The following ATPAF1 variants were observed in gnomAD, a reference collection of about 807,000 sequenced individuals.
ATPAF1 encodes the protein ATP synthase mitochondrial F1 complex assembly factor 1.
A neutral mutation model predicts 43.9 loss-of-function variants in ATPAF1; 26 were observed. That is an observed-to-expected ratio of 0.59 (90% CI 0.43 to 0.82). The LOEUF (loss-of-function observed/expected upper bound fraction) is 0.82, where lower values mean the gene tolerates loss of function less well. ATPAF1 is among the 40% of genes least tolerant of loss of function. The pLI is 0.00. For synonymous variants in ATPAF1, 157 were observed against 168.0 expected, an observed-to-expected ratio of 0.93 and a Z score of 0.50; for missense variants, 366 against 435.0, an observed-to-expected ratio of 0.84 and a Z score of 1.41.
intron 6 of ATPAF1, among the ~76,000 whole-genome samples, chr1:46,649,899 C>T (rs1676131873): frequency 6.6e-6 from 1 of 152,098 alleles, no homozygotes; most frequent in South Asian, 2.1e-4. Flanking sequence ...GCACTCCAGC[C>T]TGGGCAACAC....
chr1:46,647,520 ACACATG>A (rs1403449347), intron 6 of ATPAF1, among the ~76,000 whole-genome samples: 1 of 152,032 alleles, frequency 6.6e-6, no homozygotes, highest in Non-Finnish European at 1.5e-5. Flanking sequence ...ACACACACAC[ACACATG>A]CACATTCTCT....
At chr1:46,665,462 C>T in intron 1 of ATPAF1, 98 bp from the exon 2 acceptor site, 1 of 1,355,652 alleles carries the variant, frequency 7.4e-7, no homozygotes, top group South Asian at 1.3e-5. Context: ...AGGACACTGC[C>T]ATTCAGAGAG....
At chr1:46,654,528 T>TTTATTTATTATTA (rs1553218331) in intron 4 of ATPAF1, among the ~76,000 whole-genome samples, 7 of 135,262 alleles carry the variant, frequency 5.2e-5, no homozygotes, top group African/African-American at 2.1e-4. Flanking sequence ...TATTTATTTA[T>TTTATTTATTATTA]TTATTATTAT....
At chr1:46,657,484 A>C (rs908231542) in intron 4 of ATPAF1, among the ~76,000 whole-genome samples, 2 of 152,188 alleles carry the variant, frequency 1.3e-5, no homozygotes, top group Non-Finnish European at 2.9e-5. Context: ...CCAGGTTCCT[A>C]ATACATTTTT....
Position 46,668,230 on chromosome 1 carries a change from G to T in ATPAF1, c.93C>A (p.Ser31Arg). Residue 31 changes from serine to arginine, a missense_variant, in exon 1 of 9, where the codon AGC (serine) becomes AGA (arginine). By Grantham distance (110) the Ser-to-Arg change is moderately radical (BLOSUM62 -1). Coordinates refer to ENST00000574428, the Ensembl canonical transcript of ATPAF1. This position sits in a 1 kb window ranked among gnomAD's most constrained non-coding sequence, Gnocchi z 4.4. ...ACACGAGCCCCAGGCCCAGGGCGCGGCTGCGCACCGCGCACAGGCCCCGGT... is the reference window on the plus strand; with the variant it reads ...ACACGAGCCCCAGGCCCAGGGCGCGTCTGCGCACCGCGCACAGGCCCCGGT... 1 of 1,370,534 alleles carries T rather than the reference G, an allele frequency of 7.3e-7. No individual in the cohort carries two copies. 84.9% of individuals were successfully genotyped at this position (1,370,534 alleles called of 1,614,324 possible).
At chr1:46,663,168 G>A (rs1465857860) in intron 2 of ATPAF1, among the ~76,000 whole-genome samples, 1 of 152,024 alleles carries the variant, frequency 6.6e-6, no homozygotes, top group African/African-American at 2.4e-5. Flanking sequence ...ACATTTTCTT[G>A]ATTCAGTCTA....
At chr1:46,663,037 G>A (rs1370775504) in intron 2 of ATPAF1, among the ~76,000 whole-genome samples, 2 of 152,206 alleles carry the variant, frequency 1.3e-5, no homozygotes, top group South Asian at 2.1e-4. Context: ...GCAGTGTTTG[G>A]TTTTTTGTCC....
At chr1:46,668,381 G>GCCCGCTCCAT (rs1287382762), upstream of ATPAF1, 3 of 1,246,442 alleles carry the variant, frequency 2.4e-6, no homozygotes, top group Non-Finnish European at 3.0e-6. This position sits in a 1 kb window ranked among gnomAD's most constrained non-coding sequence, Gnocchi z 4.4. Context: ...CGGCCCGCGC[G>GCCCGCTCCAT]CCCGCTCCAT....
intron 8 of ATPAF1, among the ~76,000 whole-genome samples, chr1:46,639,559 A>G (rs913483234): frequency 6.6e-6 from 1 of 152,220 alleles, no homozygotes; most frequent in Non-Finnish European, 1.5e-5. Flanking sequence ...ATTAGTTTTT[A>G]GCATTAAAGT....
chr1:46,667,906 G>T, intron 1 of ATPAF1, 151 bp downstream of exon 1: 1 of 558,384 alleles, frequency 1.8e-6, no homozygotes. Flanking sequence ...GTGATCTTGG[G>T]CAAGTGACCT....
At chr1:46,645,549 G>A (rs1362475514) in intron 6 of ATPAF1, among the ~76,000 whole-genome samples, 1 of 150,740 alleles carries the variant, frequency 6.6e-6, no homozygotes, top group Non-Finnish European at 1.5e-5. Flanking sequence ...TTTTGGTAGA[G>A]ATGGGGTTTT....
intron 2 of ATPAF1, 53 bp from the exon 3 acceptor site, chr1:46,658,790 G>A: frequency 7.3e-7 from 1 of 1,362,048 alleles, no homozygotes; most frequent in African/African-American, 1.5e-5. Context: ...AAGAAAAAAG[G>A]TAACTAAGCT....
intron 2 of ATPAF1, among the ~76,000 whole-genome samples, chr1:46,664,160 C>A (rs1171449727): frequency 6.6e-6 from 1 of 152,084 alleles, no homozygotes; most frequent in African/African-American, 2.4e-5. Flanking sequence ...AAAAACACTG[C>A]ATTAGAATAA....
At chr1:46,667,050 T>C (rs563035620) in intron 1 of ATPAF1, among the ~76,000 whole-genome samples, 55 of 152,356 alleles carry the variant, frequency 3.6e-4, no homozygotes, top group African/African-American at 1.3e-3. Flanking sequence ...ATCTCAATGC[T>C]GCTGGAAGGA....
At position 46,652,072 on chromosome 1, in the gene ATPAF1, G is replaced by A. The variant is rs146777608; in HGVS notation, c.588+509C>T. 5.9e-3 allele frequency among the ~76,000 whole-genome samples: 901 copies of A among 152,178 alleles called. 11 individuals are homozygous for A. Among genetic ancestry groups the A allele is most frequent in the East Asian group, 0.033 (170 of 5,178 alleles). The stretch of plus-strand genomic sequence containing the variant: ...CTGAATGTTACCAATACAATGAAAT[G>A]ATAAATGTTTGAGGTGATAGATGTG... On this transcript the variant is annotated intron_variant, in intron 6 of 8. Coordinates refer to ENST00000574428, the Ensembl canonical transcript of ATPAF1.
Position 46,653,681 on chromosome 1 carries a change from T to C in ATPAF1, c.540+136A>G, listed in dbSNP as rs1198842070. On this transcript the variant is annotated intron_variant, in intron 5 of 8. Transcript: ENST00000574428. The surrounding 1 kb of genome is among the most constrained non-coding windows in gnomAD (Gnocchi z 4.8). ...CCAATCTCTGGTGCTCAGGGCATAA[T>C]AAAAACTCTCAGGGCTGTAAAATGC... 1.4e-6 allele frequency: 1 copy of C among 698,734 alleles called. No individual in the cohort carries two copies. The highest frequency in any genetic ancestry group is 2.3e-6 in the Non-Finnish European group (1 of 430,476). The allele number at this position is 698,734 out of a possible 1,614,324, so 43.3% of individuals were successfully genotyped here. A position where few individuals can be genotyped will look rare whatever the true frequency, so the allele number is the denominator to read the frequency against.
At chr1:46,635,761 C>A (rs1675825779) in exon 9 of ATPAF1, 1 of 1,603,604 alleles carries the variant, frequency 6.2e-7, no homozygotes, top group Non-Finnish European at 8.5e-7. Flanking sequence ...AGGTGAAGGG[C>A]CAACCTGTAC....
At chr1:46,658,263 C>T in intron 3 of ATPAF1, 74 bp from the exon 4 acceptor site, 1 of 1,173,274 alleles carries the variant, frequency 8.5e-7, no homozygotes, top group Non-Finnish European at 1.2e-6. Context: ...TATCTCTAAG[C>T]CTGTGGCAAA....
At chr1:46,662,121 CCTGACCTCGTGAT>C (rs1178659105) in intron 2 of ATPAF1, among the ~76,000 whole-genome samples, 1 of 151,976 alleles carries the variant, frequency 6.6e-6, no homozygotes, top group African/African-American at 2.4e-5. Flanking sequence ...GTCTCAATCT[CCTGACCTCGTGAT>C]CTGCCCGCCT....
Sources: gnomAD v4.1 joint callset for allele counts (sites outside exome capture counted in the v4.1 genomes callset) on GRCh38, gnomAD v4.1.1 for gene constraint, Gnocchi (gnomAD v3.1) non-coding constraint, MANE v1.5 for transcripts, NCBI Gene and HGNC (gene_info 2026-07-23, HGNC 2026-07-21) for gene names.